The following PRDM15 variants were observed in gnomAD, a reference collection of about 807,000 sequenced individuals.
PRDM15 encodes the protein PR domain zinc finger protein 15.
In PRDM15, 64 loss-of-function variants were observed where a neutral mutation model predicts 128.6. That is an observed-to-expected ratio of 0.50 (90% CI 0.41 to 0.61). The LOEUF (loss-of-function observed/expected upper bound fraction) is 0.61. PRDM15 is among the 20% of genes least tolerant of loss of function. The pLI is 0.00. For synonymous variants in PRDM15, 615 were observed against 621.8 expected (o/e 0.99, Z 0.16); for missense variants, 1,242 against 1,569.1 (o/e 0.79, Z 3.52).
intron 11 of PRDM15, chr21:41,834,582 C>A: frequency 6.5e-7 from 1 of 1,545,756 alleles, no homozygotes; most frequent in Non-Finnish European, 8.7e-7. Flanking sequence ...GAGGGGGACA[C>A]AAAGGCAACA....
In PRDM15 at chr21:41,821,356, G is replaced by A; in HGVS notation, c.1897-126C>T. On this transcript the variant is annotated intron_variant, in intron 15 of 23. Coordinates refer to ENST00000398548, the MANE Select transcript of PRDM15 (RefSeq NM_001040424.3). The surrounding 1 kb of genome is among the most constrained non-coding windows in gnomAD (Gnocchi z 5.4). ...CTGAGAGCCCATGACTCATGCCAGG[G>A]TGGAAGGGACTCTCAGAGGCTTGAT... The A allele has an allele frequency of 8.9e-7, 1 of 1,127,186 alleles. No individual in the cohort carries two copies. Among genetic ancestry groups the A allele is most frequent in the South Asian group, 1.5e-5 (1 of 68,626 alleles). 69.8% of individuals were successfully genotyped at this position (1,127,186 alleles called of 1,614,324 possible). A position where few individuals can be genotyped will look rare whatever the true frequency, so the allele number is the denominator to read the frequency against.
intron 7 of PRDM15, 138 bp from the exon 8 acceptor site, chr21:41,838,201 G>GA (rs150670301): frequency 0.02 from 13,529 of 670,390 alleles, no homozygotes; most frequent in South Asian, 0.03. Context: ...TTACAGAGGG[G>GA]AAAAAAAAAA....
intron 1 of PRDM15, among the ~76,000 whole-genome samples, chr21:41,874,525 A>ATATATATATATATATATATATATTTT: frequency 1.0e-5 from 1 of 95,828 alleles, no homozygotes; most frequent in African/African-American, 4.2e-5. Context: ...ATATATATAT[A>ATATATATATATATATATATATATTTT]TTTTTTTTTT....
At chr21:41,818,245 A>G (rs2062120745) in intron 18 of PRDM15, among the ~76,000 whole-genome samples, 1 of 152,226 alleles carries the variant, frequency 6.6e-6, no homozygotes, top group African/African-American at 2.4e-5. Flanking sequence ...CTGTCCCGCT[A>G]AGGCAGGCAG....
At chr21:41,873,373 C>T (rs2064283879) in intron 1 of PRDM15, among the ~76,000 whole-genome samples, 1 of 152,202 alleles carries the variant, frequency 6.6e-6, no homozygotes, top group Non-Finnish European at 1.5e-5. Flanking sequence ...GGGTACACGG[C>T]CACTGGTCAC....
intron 1 of PRDM15, chr21:41,867,312 C>A (rs753533607): frequency 1.2e-6 from 2 of 1,613,598 alleles, no homozygotes; most frequent in South Asian, 1.1e-5. Context: ...CCTCCGTTCG[C>A]AATCTTCCCC....
At chr21:41,803,186 C>G in intron 22 of PRDM15, 1 of 504,322 alleles carries the variant, frequency 2.0e-6, no homozygotes, top group Non-Finnish European at 3.6e-6. Context: ...GTAAACACTT[C>G]TTAGAAACTT....
At chr21:41,877,883 G>A (rs2064478489) in intron 1 of PRDM15, among the ~76,000 whole-genome samples, 2 of 152,174 alleles carry the variant, frequency 1.3e-5, no homozygotes, top group South Asian at 2.1e-4. Context: ...TAAAAAAAAT[G>A]GTGTTTTTGC....
At chr21:41,853,022 A>T (rs2063476012) in intron 5 of PRDM15, among the ~76,000 whole-genome samples, 1 of 152,222 alleles carries the variant, frequency 6.6e-6, no homozygotes, top group Admixed American at 6.5e-5. Flanking sequence ...AGCCACCACC[A>T]GAGGTTGGGG....
intron 1 of PRDM15, among the ~76,000 whole-genome samples, chr21:41,868,720 T>C (rs2064107263): frequency 1.6e-5 from 2 of 127,498 alleles, no homozygotes; most frequent in South Asian, 5.0e-4. Context: ...TGAGATGGAG[T>C]CTCCCTGTCA....
At position 41,859,290 on chromosome 21, in the gene PRDM15, C is replaced by T; in HGVS notation, c.131+302G>A. 1 of 1,506,250 alleles carries T rather than the reference C, an allele frequency of 6.6e-7. No individual in the cohort carries two copies. The highest frequency in any genetic ancestry group is 9.2e-7 in the Non-Finnish European group (1 of 1,092,604). The allele number at this position is 1,506,250 out of a possible 1,614,324, so 93.3% of individuals were successfully genotyped here. ...GCTTGGCTGCTGGTGCTCAGCACGT[C>T]AACCACCTTGGCAAGTCCACTCTTC... On this transcript the variant is annotated intron_variant, in intron 3 of 23. Coordinates refer to ENST00000398548, the MANE Select transcript of PRDM15 (RefSeq NM_001040424.3). The surrounding 1 kb of genome is among the most constrained non-coding windows in gnomAD (Gnocchi z 5.3).
chr21:41,826,309 C>T (rs938883580), intron 12 of PRDM15, among the ~76,000 whole-genome samples: 2 of 152,162 alleles, frequency 1.3e-5, no homozygotes, highest in Non-Finnish European at 2.9e-5. Context: ...AGACAGTTCT[C>T]GCATCTGAAA....
chr21:41,844,421 A>C, intron 6 of PRDM15, among the ~76,000 whole-genome samples: 1 of 16,772 alleles, frequency 6.0e-5, no homozygotes, highest in African/African-American at 2.9e-4. Context: ...AGGGACACAC[A>C]CACACACACA....
chr21:41,821,856 C>G lies in PRDM15; in HGVS notation c.1896+47G>C, dbSNP rs774468379. On this transcript the variant is annotated intron_variant, in intron 15 of 23. Coordinates refer to ENST00000398548, the MANE Select transcript of PRDM15 (RefSeq NM_001040424.3). This position sits in a 1 kb window ranked among gnomAD's most constrained non-coding sequence, Gnocchi z 5.4. ...GGGGCCCACAGCCTTGAAACGACCA[C>G]CTTCCTCTCCAGACCACCCAGGCAC... The G allele has an allele frequency of 6.2e-7, 1 of 1,610,142 alleles. No homozygotes were observed. The highest frequency in any genetic ancestry group is 1.7e-5 in the Admixed American group (1 of 60,014).
chr21:41,838,189 G>T, intron 7 of PRDM15, 126 bp from the exon 8 acceptor site: 2 of 933,124 alleles, frequency 2.1e-6, no homozygotes, highest in Non-Finnish European at 3.2e-6. Flanking sequence ...AAATGTTGAG[G>T]TTTACAGAGG....
intron 7 of PRDM15, 96 bp from the exon 8 acceptor site, chr21:41,838,159 C>T: frequency 7.3e-7 from 1 of 1,361,970 alleles, no homozygotes; most frequent in Admixed American, 1.7e-5. Flanking sequence ...GAACCACAGC[C>T]AGGCCAGAAT....
intron 13 of PRDM15, 95 bp downstream of exon 13, chr21:41,825,865 C>G: frequency 1.0e-6 from 1 of 988,044 alleles, no homozygotes; most frequent in Non-Finnish European, 1.6e-6. Flanking sequence ...CCCAAATCTT[C>G]CCTGCAATAT....
At chr21:41,830,069 C>T (rs1161676350) in intron 11 of PRDM15, among the ~76,000 whole-genome samples, 2 of 151,588 alleles carry the variant, frequency 1.3e-5, no homozygotes, top group African/African-American at 4.9e-5. Flanking sequence ...ACATTCAACA[C>T]ACACACCACA....
In PRDM15 at chr21:41,811,298, C is replaced by T. The variant is rs749898231; in HGVS notation, c.2393-462G>A. 1.1e-4 allele frequency: 19 copies of T among 165,536 alleles called. No individual in the cohort carries two copies. Among genetic ancestry groups the T allele is most frequent in the Non-Finnish European group, 1.7e-4 (13 of 75,228 alleles). The allele number at this position is 165,536 out of a possible 1,614,324, so 10.3% of individuals were successfully genotyped here. A position where few individuals can be genotyped will look rare whatever the true frequency, so the allele number is the denominator to read the frequency against. On this transcript the variant is annotated intron_variant, in intron 19 of 23. Coordinates refer to ENST00000398548, the MANE Select transcript of PRDM15 (RefSeq NM_001040424.3). The surrounding 1 kb of genome is among the most constrained non-coding windows in gnomAD (Gnocchi z 4.1). Reference sequence around the variant, plus strand: ...TAAAAGACAACAGAACTGCCGTGCTCGGACAAAATGAGTGTGATTCTTCAA... The same window carrying T: ...TAAAAGACAACAGAACTGCCGTGCTTGGACAAAATGAGTGTGATTCTTCAA...
Sources: allele counts gnomAD v4.1 joint callset (sites outside exome capture counted in the v4.1 genomes callset), GRCh38; gene constraint gnomAD v4.1.1; non-coding constraint Gnocchi (gnomAD v3.1); transcripts MANE v1.5; gene names NCBI Gene and HGNC (gene_info 2026-07-23, HGNC 2026-07-21).